The following ZYG11B variants were observed in gnomAD, a reference collection of about 807,000 sequenced individuals.
ZYG11B encodes zyg-11 family member B, cell cycle regulator.
In ZYG11B, 36 loss-of-function variants were observed where a neutral mutation model predicts 82.4. The observed-to-expected ratio is 0.44, with a 90% CI of 0.33 to 0.58. The LOEUF is 0.58. Ranked by LOEUF, ZYG11B falls within the 20% of genes least tolerant of loss-of-function variation. ZYG11B has a pLI of 0.02. For synonymous variants in ZYG11B, 303 were observed against 312.8 expected (o/e 0.97, Z 0.33); for missense variants, 552 against 895.6 (o/e 0.62, Z 4.90).
chr1:52,799,486 C>CAA (rs57224108), intron 8 of ZYG11B, among the ~76,000 whole-genome samples: 53 of 114,166 alleles, frequency 4.6e-4, no homozygotes, highest in African/African-American at 1.1e-3. Context: ...GGCTCTGTCT[C>CAA]AAAAAAAAAA....
chr1:52,785,857 ATCATTGAAGCCAGCTTCCC>A (rs1644908265), intron 5 of ZYG11B, among the ~76,000 whole-genome samples: 1 of 152,188 alleles, frequency 6.6e-6, no homozygotes, highest in African/African-American at 2.4e-5. Context: ...TGGTGAGTAG[ATCATTGAAGCCAGCTTCCC>A]TCATTGAGGG....
intron 12 of ZYG11B, 96 bp downstream of exon 12, chr1:52,814,008 A>C: frequency 8.9e-7 from 1 of 1,119,414 alleles, no homozygotes. Context: ...TCCCTCAGGC[A>C]CCTCAATATT....
chr1:52,772,091 A>G (rs960570), intron 3 of ZYG11B: 269,839 of 802,760 alleles, frequency 0.34, 49,039 homozygotes, highest in Admixed American at 0.48. Flanking sequence ...TATGATGATA[A>G]TGTTTAGCTA....
chr1:52,821,616 C>T lies in ZYG11B; in HGVS notation c.2222C>T (p.Ala741Val), dbSNP rs1645284949. ...RPPPCKKQPQ[A>V]RLN ...CCTCCCTGTAAAAAACAGCCCCAAG[C>T]CAGACTAAATTGATAGCCATAAGTA... The change falls in exon 14 of 14, where the codon GCC (alanine) becomes GTC (valine). Residue 741 changes from alanine (A) to valine (V), a missense_variant. Physicochemically the swap from Ala to Val is moderately conservative, Grantham distance 64. Coordinates refer to ENST00000294353, the MANE Select transcript of ZYG11B (RefSeq NM_024646.3). The T allele has an allele frequency of 1.2e-6, 2 of 1,610,962 alleles. No individual in the cohort carries two copies. Among genetic ancestry groups the T allele is most frequent in the South Asian group, 1.1e-5 (1 of 90,648 alleles).
chr1:52,797,272 T>TA (rs1379175272), intron 8 of ZYG11B, among the ~76,000 whole-genome samples: 1 of 81,964 alleles, frequency 1.2e-5, no homozygotes, highest in African/African-American at 5.8e-5. Flanking sequence ...ATATTATATA[T>TA]AAAATATTTA....
rs1454959116 is a variant in ZYG11B at position 52,821,419 on chromosome 1, T to C, written c.2045-20T>C. On this transcript the variant is annotated intron_variant, in intron 13 of 13. Transcript: ENST00000294353. Reference sequence around the variant, plus strand: ...AAAGCTATTTCTCCTGTTTTGTGTGTGTTTTTTTTTCTTTTTCAGCTTCAA... The same window carrying C: ...AAAGCTATTTCTCCTGTTTTGTGTGCGTTTTTTTTTCTTTTTCAGCTTCAA... 6.5e-7 allele frequency: 1 copy of C among 1,527,910 alleles called. No individual in the cohort carries two copies. The highest frequency in any genetic ancestry group is 8.8e-7 in the Non-Finnish European group (1 of 1,134,322). The allele number at this position is 1,527,910 out of a possible 1,614,324, so 94.6% of individuals were successfully genotyped here.
Position 52,816,631 on chromosome 1 carries a change from T to C in ZYG11B, c.2044+2T>C. On this transcript the variant is annotated splice_donor_variant, in intron 13 of 13. Coordinates refer to ENST00000294353, the MANE Select transcript of ZYG11B (RefSeq NM_024646.3). LOFTEE classifies it high-confidence loss of function. Reference sequence around the variant, plus strand: ...TGCAACATGTCTGCAGCAAGAATCGTATGTACCAAAAAAAAAGAACTGTGT... The same window carrying C: ...TGCAACATGTCTGCAGCAAGAATCGCATGTACCAAAAAAAAAGAACTGTGT... The C allele has an allele frequency of 6.3e-7, 1 of 1,589,568 alleles. No individual in the cohort carries two copies. The highest frequency in any genetic ancestry group is 8.6e-7 in the Non-Finnish European group (1 of 1,168,098).
chr1:52,810,816 CCT>C (rs1449885385), intron 10 of ZYG11B, among the ~76,000 whole-genome samples: 1 of 152,046 alleles, frequency 6.6e-6, no homozygotes, highest in Non-Finnish European at 1.5e-5. Context: ...GGGCGGATCA[CCT>C]GAGGTCAGGA....
chr1:52,826,693 T>C lies in ZYG11B; in HGVS notation c.*5064T>C, dbSNP rs751068381. On this transcript the variant is annotated 3_prime_UTR_variant, in exon 14 of 14. Coordinates refer to ENST00000294353, the MANE Select transcript of ZYG11B (RefSeq NM_024646.3). ...AGTGCTGCTTCTCATGACTCTAAAGTAAAGCTCTTTTGGATAGCACAGCCT... is the reference window on the plus strand; with the variant it reads ...AGTGCTGCTTCTCATGACTCTAAAGCAAAGCTCTTTTGGATAGCACAGCCT... 3 of 152,314 alleles carry C rather than the reference T, an allele frequency of 2.0e-5. No individual in the cohort carries two copies. Among genetic ancestry groups the C allele is most frequent in the Admixed American group, 6.5e-5 (1 of 15,288 alleles). The allele number at this position is 152,314 out of a possible 1,614,324, so 9.4% of individuals were successfully genotyped here.
chr1:52,775,357 C>T (rs971558627), intron 3 of ZYG11B, among the ~76,000 whole-genome samples: 10 of 146,370 alleles, frequency 6.8e-5, no homozygotes, highest in African/African-American at 2.3e-4. Context: ...TTTGGGAGGC[C>T]GAGGTGGGAG....
At position 52,736,152 on chromosome 1, in the gene ZYG11B, T is replaced by A. The variant is rs142794096; in HGVS notation, c.30+9469T>A. Among the ~76,000 whole-genome samples the A allele has an allele frequency of 4.8e-3, 730 of 152,332 alleles. 7 individuals are homozygous for A. The highest frequency in any genetic ancestry group is 0.017 in the African/African-American group (705 of 41,578). ...GGCTGCTGTGCTATACAGATTGTAC[T>A]GCACAATTCAGCTAACAGCCATTCA... On this transcript the variant is annotated intron_variant, in intron 1 of 13. Transcript: ENST00000294353.
intron 4 of ZYG11B, among the ~76,000 whole-genome samples, chr1:52,783,893 C>CATGTGTGTGTGTATGTACATAT (rs74193327): frequency 0.086 from 7,004 of 81,684 alleles, 357 homozygotes; most frequent in African/African-American, 0.14. Flanking sequence ...TATGTACATA[C>CATGTGTGTGTGTATGTACATAT]ACGTGTGTGT....
intron 1 of ZYG11B, among the ~76,000 whole-genome samples, chr1:52,742,702 C>T (rs889673854): frequency 6.6e-5 from 10 of 151,728 alleles, no homozygotes; most frequent in Admixed American, 1.3e-4. Context: ...ATTAGCCGGG[C>T]GTGGTTGCAG....
intron 1 of ZYG11B, among the ~76,000 whole-genome samples, chr1:52,753,481 G>A (rs1048777196): frequency 1.3e-5 from 2 of 150,298 alleles, no homozygotes; most frequent in Non-Finnish European, 3.0e-5. Context: ...GTGCAATGGC[G>A]TGATCTTGGC....
intron 8 of ZYG11B, among the ~76,000 whole-genome samples, chr1:52,801,260 C>T (rs554403537): frequency 6.6e-6 from 1 of 152,180 alleles, no homozygotes; most frequent in East Asian, 1.9e-4. Context: ...TCAACATAGA[C>T]TAATTCTTTT....
chr1:52,760,593 T>G (rs1477602697), intron 2 of ZYG11B, among the ~76,000 whole-genome samples: 1 of 152,154 alleles, frequency 6.6e-6, no homozygotes, highest in African/African-American at 2.4e-5. Context: ...TTGGTAGCAG[T>G]CTTTTTTGTG....
chr1:52,755,464 G>A (rs191192608), intron 1 of ZYG11B, among the ~76,000 whole-genome samples: 50 of 152,086 alleles, frequency 3.3e-4, no homozygotes, highest in Middle Eastern at 6.8e-3. Context: ...GCTATTCTAG[G>A]TGTTGCATTT....
intron 2 of ZYG11B, among the ~76,000 whole-genome samples, chr1:52,764,529 A>G (rs1644664477): frequency 2.0e-5 from 3 of 152,114 alleles, no homozygotes; most frequent in Admixed American, 6.6e-5. Flanking sequence ...TTGACCCTGG[A>G]TAAGTTACTC....
rs61768346 is a variant in ZYG11B at position 52,767,577 on chromosome 1, A to G, written c.197-3443A>G. Among the ~76,000 whole-genome samples, 501 of 152,284 alleles carry G rather than the reference A, an allele frequency of 3.3e-3. 1 individual carries two copies. Among genetic ancestry groups the G allele is most frequent in the Admixed American group, 4.4e-3 (68 of 15,284 alleles). The stretch of plus-strand genomic sequence containing the variant: ...CTCGGCCTCCCAAAGTGCTGGGATT[A>G]CAGGTGTGAGCCACTATGCCCAGCC... On this transcript the variant is annotated intron_variant, in intron 2 of 13. Coordinates refer to ENST00000294353, the MANE Select transcript of ZYG11B (RefSeq NM_024646.3).
Sources: allele counts gnomAD v4.1 joint callset (sites outside exome capture counted in the v4.1 genomes callset), GRCh38; gene constraint gnomAD v4.1.1; transcripts MANE v1.5; gene names NCBI Gene and HGNC (gene_info 2026-07-23, HGNC 2026-07-21).